The following ACAD8 variants were observed in gnomAD, a reference collection of about 807,000 sequenced individuals.
ACAD8 encodes isobutyryl-CoA dehydrogenase, mitochondrial.
ACAD8 carries 47 observed loss-of-function variants against 53.1 expected under a neutral mutation model. The observed-to-expected ratio is 0.89, with a 90% CI of 0.70 to 1.13. The LOEUF (loss-of-function observed/expected upper bound fraction) is 1.13, where lower values mean the gene tolerates loss of function less well. Ranked by LOEUF, ACAD8 falls within the 50% of genes most tolerant of loss-of-function variation. The pLI is 0.00. For synonymous variants in ACAD8, 198 were observed against 201.3 expected (o/e 0.98, Z 0.14); for missense variants, 494 against 535.0 (o/e 0.92, Z 0.76).
At chr11:134,260,915 C>T in intron 6 of ACAD8, 129 bp from the exon 7 acceptor site, 10 of 1,096,694 alleles carry the variant, frequency 9.1e-6, no homozygotes, top group Admixed American at 4.2e-5. Flanking sequence ...TTTCTTTTTC[C>T]TCATTTTAAG....
At chr11:134,264,206 G>T (rs1006175511) in intron 10 of ACAD8, 1 of 266,132 alleles carries the variant, frequency 3.8e-6, no homozygotes, top group Admixed American at 6.5e-5. Context: ...TTAGCTGGGC[G>T]TGGTGGTGCA....
Position 134,261,676 on chromosome 11 carries a change from C to T in ACAD8, c.940-62C>T, listed in dbSNP as rs1229602565. ...CCTCCGAGATGTCTTACCGAGGCTC[C>T]TGCACCAGGTGCTGGTCTAAGCCCC... On this transcript the variant is annotated intron_variant, in intron 8 of 10. Coordinates refer to ENST00000281182, the MANE Select transcript of ACAD8 (RefSeq NM_014384.3). The surrounding 1 kb of genome is among the most constrained non-coding windows in gnomAD (Gnocchi z 4.2). The T allele has an allele frequency of 5.0e-6, 8 of 1,608,362 alleles. No individual in the cohort carries two copies. In the South Asian group the frequency reaches 8.8e-5, roughly 18 times the overall value.
intron 6 of ACAD8, chr11:134,260,717 T>A (rs967446219): frequency 2.5e-6 from 1 of 397,262 alleles, no homozygotes; most frequent in African/African-American, 2.1e-5. Flanking sequence ...TTGTAGATAG[T>A]TTGTGGTTTT....
chr11:134,264,970 T>G lies in ACAD8; in HGVS notation c.*10T>G, dbSNP rs557644272. The G allele has an allele frequency of 8.1e-6, 13 of 1,613,974 alleles. No homozygotes were observed. The African/African-American group carries it at 1.7e-4, about 22-fold the overall frequency. ...CCTGCTTCAGGAGTAGAACCCACAC[T>G]TGTTCTGGCCTGGTGTTCAGTGCGA... On this transcript the variant is annotated 3_prime_UTR_variant, in exon 11 of 11. Coordinates refer to ENST00000281182, the MANE Select transcript of ACAD8 (RefSeq NM_014384.3).
In ACAD8 at chr11:134,253,610, A is replaced by T. The variant is rs755789341; in HGVS notation, c.10A>T (p.Ser4Cys). The T allele has an allele frequency of 2.5e-6, 4 of 1,579,720 alleles. No homozygotes were observed. Among genetic ancestry groups the T allele is most frequent in the Admixed American group, 3.6e-5 (2 of 55,220 alleles). Reference protein sequence around the residue: MLWSGCRRFGARLG... With the variant: MLWCGCRRFGARLG... ...CGGAGCTGCGGCGGCTATGCTGTGG[A>T]GCGGCTGCCGGCGTTTCGGGGCGCG... The change falls in exon 1 of 11, where the codon AGC becomes TGC. Residue 4 changes from serine (S) to cysteine (C), a missense_variant. Coordinates refer to ENST00000281182, the MANE Select transcript of ACAD8 (RefSeq NM_014384.3).
chr11:134,254,975 A>G (rs1387082282), intron 1 of ACAD8, among the ~76,000 whole-genome samples: 2 of 152,216 alleles, frequency 1.3e-5, no homozygotes, highest in Non-Finnish European at 2.9e-5. Context: ...TTTGCATAAA[A>G]CTATTTCCTT....
chr11:134,258,044 G>A (rs1396507239), intron 3 of ACAD8: 1 of 228,622 alleles, frequency 4.4e-6, no homozygotes, highest in South Asian at 6.0e-5. Context: ...TAGAGATGGG[G>A]TTTCACCATG....
At chr11:134,258,665 T>TC in intron 4 of ACAD8, 41 bp downstream of exon 4, 9 of 1,406,960 alleles carry the variant, frequency 6.4e-6, no homozygotes, top group Non-Finnish European at 9.0e-6. Flanking sequence ...CAGGGAGAGA[T>TC]GCTTCCTGCT....
intron 3 of ACAD8, chr11:134,257,738 C>T (rs1045210394): frequency 4.4e-6 from 1 of 224,908 alleles, no homozygotes; most frequent in African/African-American, 2.3e-5. Flanking sequence ...TTGATTCTGT[C>T]ATCCTGTGTA....
rs1405875893 is a variant in ACAD8 at position 134,261,390 on chromosome 11, T to G, written c.939+18T>G. On this transcript the variant is annotated intron_variant, in intron 8 of 10. Transcript: ENST00000281182. The surrounding 1 kb of genome is among the most constrained non-coding windows in gnomAD (Gnocchi z 4.2). ...GTAACCAGGTAACCTCTGCCTTGCCTCCACATGGCTTTGCACTATTTGCAG... is the reference window on the plus strand; with the variant it reads ...GTAACCAGGTAACCTCTGCCTTGCCGCCACATGGCTTTGCACTATTTGCAG... The G allele has an allele frequency of 1.2e-6, 2 of 1,612,390 alleles. No homozygotes were observed. Among genetic ancestry groups the G allele is most frequent in the Non-Finnish European group, 8.5e-7 (1 of 1,178,438 alleles).
intron 10 of ACAD8, chr11:134,263,560 G>C (rs1022426183): frequency 6.1e-6 from 6 of 985,366 alleles, no homozygotes; most frequent in Non-Finnish European, 7.2e-6. Context: ...CCACAGGTTA[G>C]ACCGCTGCTT....
At chr11:134,254,020 AC>A (rs1313116266) in intron 1 of ACAD8, among the ~76,000 whole-genome samples, 1 of 107,146 alleles carries the variant, frequency 9.3e-6, no homozygotes, top group Non-Finnish European at 2.0e-5. Flanking sequence ...CCGGCCGGTC[AC>A]CCCCCGCAGG....
At chr11:134,255,616 T>A (rs1939484286) in intron 1 of ACAD8, among the ~76,000 whole-genome samples, 1 of 152,266 alleles carries the variant, frequency 6.6e-6, no homozygotes, top group Non-Finnish European at 1.5e-5. Flanking sequence ...ACTCTGTTCC[T>A]GAGGGTAATA....
chr11:134,264,868 T>G lies in ACAD8; in HGVS notation c.1196-40T>G, dbSNP rs771799329. 1.9e-6 allele frequency: 3 copies of G among 1,589,324 alleles called. No homozygotes were observed. The South Asian group carries it at 3.3e-5, about 18-fold the overall frequency. Reference sequence around the variant, plus strand: ...CAGAGCTTTACTAAACTCTCAGACTTTGCTGCTGTGAAATTCTTCCTCCTT... The same window carrying G: ...CAGAGCTTTACTAAACTCTCAGACTGTGCTGCTGTGAAATTCTTCCTCCTT... On this transcript the variant is annotated intron_variant, in intron 10 of 10. Coordinates refer to ENST00000281182, the MANE Select transcript of ACAD8 (RefSeq NM_014384.3).
intron 10 of ACAD8, chr11:134,263,254 T>G: frequency 9.9e-7 from 1 of 1,005,122 alleles, no homozygotes; most frequent in Non-Finnish European, 1.2e-6. Flanking sequence ...GGCAGAGGCT[T>G]CTTTGAGTGA....
intron 9 of ACAD8, chr11:134,262,233 TATC>T: frequency 1.5e-6 from 1 of 647,588 alleles, no homozygotes; most frequent in Non-Finnish European, 2.8e-6. Flanking sequence ...CATAGCTTTT[TATC>T]ATCCCAGCCA....
rs779587719 is a variant in ACAD8 at position 134,261,377 on chromosome 11, C to T, written c.939+5C>T. The T allele has an allele frequency of 6.2e-7, 1 of 1,614,056 alleles. No homozygotes were observed. The highest frequency in any genetic ancestry group is 1.7e-5 in the Admixed American group (1 of 60,014). On this transcript the variant is annotated splice_donor_5th_base_variant and intron_variant, in intron 8 of 10. Coordinates refer to ENST00000281182, the MANE Select transcript of ACAD8 (RefSeq NM_014384.3). This position sits in a 1 kb window ranked among gnomAD's most constrained non-coding sequence, Gnocchi z 4.2. The stretch of plus-strand genomic sequence containing the variant: ...GAGCCTCTGGCCAGTAACCAGGTAA[C>T]CTCTGCCTTGCCTCCACATGGCTTT...
In ACAD8 at chr11:134,262,538, C is replaced by A; in HGVS notation, c.1111C>A (p.Gln371Lys). 6.2e-7 allele frequency: 1 copy of A among 1,613,760 alleles called. No homozygotes were observed. The highest frequency in any genetic ancestry group is 8.5e-7 in the Non-Finnish European group (1 of 1,179,748). ...CCTGCAGATCTGCAACCAGGCCTTG[C>A]AGATGCACGGGGGCTACGGCTACCT... is the stretch of plus-strand genomic sequence containing the variant. ...ECFAICNQALQMHGGYGYLKD... is the reference protein window; with the variant it reads ...ECFAICNQALKMHGGYGYLKD... Residue 371 changes from glutamine to lysine, a missense_variant, in exon 10 of 11, where the codon CAG becomes AAG. Gln to Lys is a moderately conservative substitution (Grantham distance 53). Coordinates refer to ENST00000281182, the MANE Select transcript of ACAD8 (RefSeq NM_014384.3).
intron 10 of ACAD8, among the ~76,000 whole-genome samples, chr11:134,264,587 G>C (rs2136086628): frequency 6.6e-6 from 1 of 152,212 alleles, no homozygotes; most frequent in South Asian, 2.1e-4. Context: ...TCTCCTTTTA[G>C]GCATTTTACT....
Sources: gnomAD v4.1 joint callset for allele counts (sites outside exome capture counted in the v4.1 genomes callset) on GRCh38, gnomAD v4.1.1 for gene constraint, Gnocchi (gnomAD v3.1) non-coding constraint, MANE v1.5 for transcripts, NCBI Gene and HGNC (gene_info 2026-07-23, HGNC 2026-07-21) for gene names.